RPS6KC1: variants seen among roughly 807,000 people sequenced by gnomAD.
The protein encoded by RPS6KC1 is inactive ribosomal protein S6 kinase delta-1.
Under a neutral mutation model 103.8 loss-of-function variants are expected in RPS6KC1, and 54 were observed. That is an observed-to-expected ratio of 0.52 (90% CI 0.42 to 0.65). The LOEUF is 0.65. Ranked by LOEUF, RPS6KC1 falls within the 30% of genes least tolerant of loss-of-function variation. The pLI is 0.00. For missense variants in RPS6KC1, 1,151 were observed against 1,253.8 expected (o/e 0.92, Z 1.24); for synonymous variants, 439 against 438.7 (o/e 1.00, Z -0.01).
chr1:213,693,980 T>G, the RPS6KC1 span, among the ~76,000 whole-genome samples: 1 of 152,242 alleles, frequency 6.6e-6, no homozygotes, highest in Non-Finnish European at 1.5e-5. Flanking sequence ...TTCAATGGCT[T>G]CTGCCTTGAG....
chr1:213,409,112 C>T, the RPS6KC1 span, among the ~76,000 whole-genome samples: 1 of 152,130 alleles, frequency 6.6e-6, no homozygotes, highest in Non-Finnish European at 1.5e-5. Flanking sequence ...GGATTCACTG[C>T]TTTCCGTTCA....
chr1:213,766,561 C>CT, the RPS6KC1 span, among the ~76,000 whole-genome samples: 1 of 152,232 alleles, frequency 6.6e-6, no homozygotes, highest in African/African-American at 2.4e-5. Context: ...ACCTTCCAGT[C>CT]TTTTTCCTGT....
At chr1:213,754,731 C>T in the RPS6KC1 span, among the ~76,000 whole-genome samples, 1 of 152,182 alleles carries the variant, frequency 6.6e-6, no homozygotes, top group African/African-American at 2.4e-5. Context: ...TTATAAATTA[C>T]CCAGCCTCAG....
intron 8 of RPS6KC1, among the ~76,000 whole-genome samples, chr1:213,222,766 T>G (rs2093867315): frequency 6.6e-6 from 1 of 152,238 alleles, no homozygotes; most frequent in Admixed American, 6.5e-5. Flanking sequence ...GAGATTTATT[T>G]TAGCAGAAAA....
the RPS6KC1 span, among the ~76,000 whole-genome samples, chr1:213,590,008 A>G: frequency 1.3e-5 from 2 of 151,644 alleles, no homozygotes; most frequent in Non-Finnish European, 2.9e-5. Context: ...GGGGGAGAAG[A>G]TAACATTACA....
chr1:213,265,668 C>A (rs970562370), intron 14 of RPS6KC1, among the ~76,000 whole-genome samples: 3 of 152,270 alleles, frequency 2.0e-5, no homozygotes, highest in South Asian at 4.1e-4. Flanking sequence ...TATAAAAATT[C>A]TTTGAGCAAT....
chr1:213,119,429 T>C (rs1377645954), intron 5 of RPS6KC1, among the ~76,000 whole-genome samples: 3 of 64 alleles, frequency 0.047, no homozygotes, highest in East Asian at 0.5. Flanking sequence ...CCTGGGCATA[T>C]ATATATATAT....
chr1:213,783,049 T>C, the RPS6KC1 span, among the ~76,000 whole-genome samples: 1 of 152,188 alleles, frequency 6.6e-6, no homozygotes, highest in Non-Finnish European at 1.5e-5. Flanking sequence ...GACCAAGAGG[T>C]ATGAACAGGG....
chr1:213,485,361 T>C, the RPS6KC1 span, among the ~76,000 whole-genome samples: 2 of 152,074 alleles, frequency 1.3e-5, no homozygotes, highest in African/African-American at 4.8e-5. Flanking sequence ...TCTGTGGCAC[T>C]TCTGCTTGCC....
At chr1:213,311,101 A>C in the RPS6KC1 span, among the ~76,000 whole-genome samples, 6 of 151,626 alleles carry the variant, frequency 4.0e-5, no homozygotes, top group African/African-American at 1.5e-4. Context: ...GAAATGTCTT[A>C]CATGGGAGAA....
intron 3 of RPS6KC1, among the ~76,000 whole-genome samples, chr1:213,102,771 C>T (rs1056159152): frequency 3.9e-5 from 6 of 152,102 alleles, no homozygotes; most frequent in African/African-American, 1.4e-4. Flanking sequence ...TATCAAGATA[C>T]TGATAAAAGT....
At chr1:213,606,407 T>G in the RPS6KC1 span, among the ~76,000 whole-genome samples, 1 of 152,234 alleles carries the variant, frequency 6.6e-6, no homozygotes, top group Admixed American at 6.5e-5. Flanking sequence ...TTTTGTCACA[T>G]TCTGTTCCTG....
chr1:213,541,590 G>A, the RPS6KC1 span, among the ~76,000 whole-genome samples: 1 of 152,116 alleles, frequency 6.6e-6, no homozygotes, highest in Non-Finnish European at 1.5e-5. Flanking sequence ...AATCCACAAT[G>A]CCTGAGACTA....
chr1:213,103,489 G>T (rs1461031515), intron 3 of RPS6KC1, among the ~76,000 whole-genome samples: 1 of 152,166 alleles, frequency 6.6e-6, no homozygotes, highest in Non-Finnish European at 1.5e-5. Context: ...GATAGAGGTA[G>T]TATTTGAATT....
the RPS6KC1 span, among the ~76,000 whole-genome samples, chr1:213,490,770 G>A: frequency 6.6e-6 from 1 of 152,220 alleles, no homozygotes; most frequent in Non-Finnish European, 1.5e-5. Context: ...GCTTTAAAGA[G>A]GATCTGAAAA....
At chr1:213,784,534 A>G in the RPS6KC1 span, among the ~76,000 whole-genome samples, 6 of 152,230 alleles carry the variant, frequency 3.9e-5, no homozygotes, top group Non-Finnish European at 7.3e-5. Context: ...ATTTCCAAAG[A>G]GGATTAAGAT....
the RPS6KC1 span, among the ~76,000 whole-genome samples, chr1:213,286,386 A>G: frequency 6.6e-6 from 1 of 152,206 alleles, no homozygotes. Context: ...AAGATAACAC[A>G]GAAACTATCA....
chr1:213,236,843 C>T (rs2094232236), intron 10 of RPS6KC1, among the ~76,000 whole-genome samples: 1 of 151,572 alleles, frequency 6.6e-6, no homozygotes, highest in Non-Finnish European at 1.5e-5. Context: ...TACTTAAGGC[C>T]CCAAGGAGTA....
At chr1:213,090,087 G>A (rs2148650721) in intron 3 of RPS6KC1, among the ~76,000 whole-genome samples, 1 of 152,312 alleles carries the variant, frequency 6.6e-6, no homozygotes, top group Non-Finnish European at 1.5e-5. Context: ...GAAGAAGTGA[G>A]CATTAGGATC....
Sources: allele counts gnomAD v4.1 joint callset (sites outside exome capture counted in the v4.1 genomes callset), GRCh38; gene constraint gnomAD v4.1.1; transcripts MANE v1.5; gene names NCBI Gene and HGNC (gene_info 2026-07-23, HGNC 2026-07-21).